Variants in HAP1 observed in about 807,000 individuals in gnomAD.
HAP1 encodes the protein huntingtin associated protein 1, also known as huntingtin-associated protein 1.
In HAP1, 59 loss-of-function variants were observed where a neutral mutation model predicts 60.3. The ratio of observed to expected loss-of-function variants is 0.98; its 90% CI spans 0.79 to 1.22. HAP1 has a LOEUF of 1.22. HAP1 is among the 50% of genes most tolerant of loss of function. The pLI is 0.00. For synonymous variants in HAP1, 346 were observed against 330.6 expected (o/e 1.05, Z -0.50); for missense variants, 825 against 785.3 (o/e 1.05, Z -0.60).
At chr17:41,720,045 A>T (rs1555586729), downstream of HAP1, among the ~76,000 whole-genome samples, 1 of 151,412 alleles carries the variant, frequency 6.6e-6, no homozygotes, top group Admixed American at 6.6e-5. Flanking sequence ...GCCCACCACC[A>T]CGCCTGGCTA....
chr17:41,733,816 C>A (rs1400493001), intron 1 of HAP1, among the ~76,000 whole-genome samples: 7 of 151,732 alleles, frequency 4.6e-5, no homozygotes, highest in African/African-American at 1.7e-4. Flanking sequence ...AGACTCAGAG[C>A]GCGCGGGACA....
At position 41,725,862 on chromosome 17, in the gene HAP1, A is replaced by G. The variant is rs782149183; in HGVS notation, c.1403T>C (p.Leu468Pro). The G allele has an allele frequency of 6.2e-7, 1 of 1,612,544 alleles. No homozygotes were observed. Residue 468 changes from leucine to proline, a missense_variant, in exon 10 of 11, where the codon CTA (leucine) becomes CCA (proline). Physicochemically the swap from Leu to Pro is moderately conservative, Grantham distance 98. Transcript: ENST00000347901. ...YEMPRGDTSS[L>P]RYDFRYSEDR... The stretch of plus-strand genomic sequence containing the variant: ...GGGGAGCCCCTGGCAGGCTTACCTT[A>G]GGCTGGATGTGTCCCCTCTGGGCAT...
At chr17:41,732,910 C>T in intron 1 of HAP1, 112 bp from the exon 2 acceptor site, 1 of 720,634 alleles carries the variant, frequency 1.4e-6, no homozygotes. Flanking sequence ...CAACAAGGGT[C>T]ATCGGGAGAG....
chr17:41,732,124 AG>A lies in HAP1; in HGVS notation c.715-7del. On this transcript the variant is annotated splice_region_variant and splice_polypyrimidine_tract_variant and intron_variant, in intron 3 of 10. Coordinates refer to ENST00000347901, the MANE Select transcript of HAP1 (RefSeq NM_177977.3). ...TGGTGTCTGAGGTATAAAATCTGGC[AG>A]GAAGAGAGAGGAGCCATGGGTTGGG... The A allele has an allele frequency of 3.1e-6, 5 of 1,613,604 alleles. No homozygotes were observed. The highest frequency in any genetic ancestry group is 3.4e-6 in the Non-Finnish European group (4 of 1,179,650).
downstream of HAP1, chr17:41,717,840 G>A (rs781842341): frequency 1.3e-4 from 47 of 368,204 alleles, no homozygotes; most frequent in Middle Eastern, 3.8e-4. Context: ...GCAAGAATAG[G>A]AGGAACCCAA....
downstream of HAP1, chr17:41,722,540 C>A (rs186636615): frequency 4.6e-4 from 70 of 152,366 alleles, 1 homozygote; most frequent in Admixed American, 2.4e-3. Context: ...TAATAGGAGT[C>A]CTCGGCACAT....
At chr17:41,726,259 C>T (rs1232906207) in intron 9 of HAP1, among the ~76,000 whole-genome samples, 1 of 151,896 alleles carries the variant, frequency 6.6e-6, no homozygotes, top group East Asian at 1.9e-4. Flanking sequence ...ACTAAAAATA[C>T]AAAAATTAGC....
At chr17:41,722,474 C>T (rs1555587304), downstream of HAP1, 10 of 152,276 alleles carry the variant, frequency 6.6e-5, no homozygotes, top group Non-Finnish European at 4.4e-5. Flanking sequence ...CCAACAGACA[C>T]TTATGACATC....
intron 7 of HAP1, 97 bp downstream of exon 7, chr17:41,728,104 G>A (rs1257940608): frequency 7.1e-7 from 1 of 1,401,566 alleles, no homozygotes; most frequent in Non-Finnish European, 1.0e-6. Context: ...GACACAGAAA[G>A]GGACCTCAGG....
chr17:41,722,185 A>G (rs147694759), downstream of HAP1: 1,111 of 152,492 alleles, frequency 7.3e-3, 9 homozygotes, highest in Non-Finnish European at 0.012. Flanking sequence ...GCCTCCCCCA[A>G]ATATTTTCTA....
Position 41,730,104 on chromosome 17 carries a change from A to AGAG in HAP1, c.1069+1388_1069+1389insCTC, listed in dbSNP as rs1912065601. The AGAG allele has an allele frequency of 2.2e-4, 5 of 22,364 alleles. 2 individuals are homozygous for AGAG. The highest frequency in any genetic ancestry group is 1.9e-3 in the African/African-American group (5 of 2,596). 1.4% of individuals were successfully genotyped at this position (22,364 alleles called of 1,614,324 possible). On this transcript the variant is annotated intron_variant, in intron 6 of 10. Coordinates refer to ENST00000347901, the MANE Select transcript of HAP1 (RefSeq NM_177977.3). ...AAAAGAAAAGAAAAGAAAAGAAAAG[A>AGAG]AAAGAAAAGAAAGAAAGAAAGAAAA...
rs1361859343 is a variant in HAP1, at chr17:41,725,772, T to C, written c.1406+87A>G. On this transcript the variant is annotated intron_variant, in intron 10 of 10. Transcript: ENST00000347901. The stretch of plus-strand genomic sequence containing the variant: ...CGAGATAGCAGGGCCTTCTCCGGAG[T>C]TGCAGGGTGGCAGAACCAGAGGCAG... 8 of 962,856 alleles carry C rather than the reference T, an allele frequency of 8.3e-6. No individual in the cohort carries two copies. In the Admixed American group the frequency reaches 8.6e-5, roughly 10 times the overall value. The allele number at this position is 962,856 out of a possible 1,614,324, so 59.6% of individuals were successfully genotyped here. A position where few individuals can be genotyped will look rare whatever the true frequency, so the allele number is the denominator to read the frequency against.
At chr17:41,721,886 TTG>T (rs1911227446), downstream of HAP1, 1 of 149,542 alleles carries the variant, frequency 6.7e-6, no homozygotes, top group Non-Finnish European at 1.5e-5. Flanking sequence ...AGATATTTTC[TTG>T]TGTTTTCAAA....
At chr17:41,733,055 T>TTTG (rs1912379372) in intron 1 of HAP1, among the ~76,000 whole-genome samples, 1 of 10,716 alleles carries the variant, frequency 9.3e-5, no homozygotes, top group African/African-American at 5.9e-4. Context: ...TTTTTTTTGG[T>TTTG]TTTTTTTTTT....
chr17:41,717,945 T>C (rs1555586270), downstream of HAP1: 4 of 466,670 alleles, frequency 8.6e-6, no homozygotes, highest in Admixed American at 4.7e-5. Context: ...GTTGACACCA[T>C]TACCTTGAGC....
At chr17:41,732,835 C>T (rs375689917) in intron 1 of HAP1, 37 bp from the exon 2 acceptor site, 46 of 1,235,664 alleles carry the variant, frequency 3.7e-5, no homozygotes, top group Non-Finnish European at 5.4e-5. Flanking sequence ...AAGGCCCAGC[C>T]AGGTCAGGAA....
At chr17:41,732,893 A>C (rs782374186) in intron 1 of HAP1, 95 bp from the exon 2 acceptor site, 31 of 784,884 alleles carry the variant, frequency 3.9e-5, no homozygotes, top group Non-Finnish European at 6.7e-5. Flanking sequence ...TCCTATCGTC[A>C]GTTCTCCAAC....
intron 6 of HAP1, 100 bp from the exon 7 acceptor site, chr17:41,728,431 G>A: frequency 1.7e-6 from 2 of 1,148,914 alleles, no homozygotes; most frequent in Non-Finnish European, 2.5e-6. Flanking sequence ...CTCGGCTGCT[G>A]CGCTGTGCCA....
At position 41,731,669 on chromosome 17, in the gene HAP1, A is replaced by T; in HGVS notation, c.971T>A (p.Leu324Gln). Residue 324 changes from leucine to glutamine, a missense_variant, in exon 5 of 11, where the codon CTG becomes CAG. Transcript: ENST00000347901. ...LEALQEKLRL[L>Q]EEENHQLREE... is the part of the protein sequence containing the mutation. ...TCTCAGCTGATGATTCTCCTCCTCC[A>T]GCAGCCTCAGCTTCTCCTGCAAGGC... 1 of 1,614,078 alleles carries T rather than the reference A, an allele frequency of 6.2e-7. No homozygotes were observed. The highest frequency in any genetic ancestry group is 8.5e-7 in the Non-Finnish European group (1 of 1,179,974).
Sources: allele counts gnomAD v4.1 joint callset (sites outside exome capture counted in the v4.1 genomes callset), GRCh38; gene constraint gnomAD v4.1.1; transcripts MANE v1.5; gene names NCBI Gene and HGNC (gene_info 2026-07-23, HGNC 2026-07-21).